Variants in HIPK4 observed in about 807,000 individuals in gnomAD.
The protein encoded by HIPK4 is homeodomain-interacting protein kinase 4.
Under a neutral mutation model 44.8 loss-of-function variants are expected in HIPK4, and 26 were observed. The ratio of observed to expected loss-of-function variants is 0.58; its 90% confidence interval spans 0.43 to 0.80. HIPK4 has a LOEUF of 0.80. Among genes scored for constraint, HIPK4 ranks in the 30% least tolerant of loss-of-function variants. The pLI is 0.00. For missense variants in HIPK4, 729 were observed against 862.6 expected (o/e 0.85, Z 1.94); for synonymous variants, 340 against 355.5 (o/e 0.96, Z 0.49).
rs2079351452 is a variant in HIPK4, at chr19:40,384,079, T to G, written c.526A>C (p.Ile176Leu). 1 of 1,611,136 alleles carries G rather than the reference T, an allele frequency of 6.2e-7. No homozygotes were observed. The highest frequency in any genetic ancestry group is 1.3e-5 in the African/African-American group (1 of 74,836). ...SEVRYVKEPY[I>L]QSRFYRAPEI... ...GGGGCCCGGTAGAAGCGCGACTGGATGTATGGCTCCTTCACGTAGCGCACC... is the reference window on the plus strand; with the variant it reads ...GGGGCCCGGTAGAAGCGCGACTGGAGGTATGGCTCCTTCACGTAGCGCACC... Residue 176 changes from isoleucine (I) to leucine (L), a missense_variant, in exon 2 of 4, where the codon ATC (isoleucine) becomes CTC (leucine). Coordinates refer to ENST00000291823, the MANE Select transcript of HIPK4 (RefSeq NM_144685.5).
chr19:40,381,038 T>C lies in HIPK4; in HGVS notation c.953A>G (p.Lys318Arg). Reference protein sequence around the residue: ...REALAEHADLKSMVELIKRML... With the variant: ...REALAEHADLRSMVELIKRML... The stretch of plus-strand genomic sequence containing the variant: ...GCGCTTGATCAGCTCCACCATGCTC[T>C]TGAGGTCGGCGTGCTCCGCCAGCGC... Residue 318 changes from lysine (K) to arginine (R), a missense_variant, in exon 3 of 4, where the codon AAG becomes AGG. Physicochemically the swap from Lys to Arg is conservative, Grantham distance 26. Around this residue, in one of 2 missense-constraint regions of HIPK4, gnomAD observed 533 missense variants for 567.5 expected, o/e 0.94. Transcript: ENST00000291823. 1.9e-6 allele frequency: 3 copies of C among 1,613,496 alleles called. No homozygotes were observed. The highest frequency in any genetic ancestry group is 2.5e-6 in the Non-Finnish European group (3 of 1,180,008).
rs777921576 is a variant in HIPK4, at chr19:40,389,576, G to A, written c.327C>T (p.Pro109=). 62 of 1,613,748 alleles carry A rather than the reference G, an allele frequency of 3.8e-5. No individual in the cohort carries two copies. Among genetic ancestry groups the A allele is most frequent in the Non-Finnish European group, 4.8e-5 (57 of 1,179,928 alleles). The change falls in exon 1 of 4, where the codon CCC becomes CCT. Residue 109 remains proline (P), a synonymous_variant. Transcript: ENST00000291823. The surrounding 1 kb of genome is among the most constrained non-coding windows in gnomAD (Gnocchi z 4.6). ...FQKENNFAPL[P]ARHIRTVTLQ... ...GGGTGACTGTACGGATGTGGCGGGC[G>A]GGGAGGGGCGCGAAGTTGTTCTCCT... is the stretch of plus-strand genomic sequence containing the variant.
rs543998071 is a variant in HIPK4 at position 40,380,187 on chromosome 19, C to T, written c.1668+136G>A. 7 of 1,196,132 alleles carry T rather than the reference C, an allele frequency of 5.9e-6. No individual in the cohort carries two copies. The East Asian group carries it at 1.8e-4, about 30-fold the overall frequency. The allele number at this position is 1,196,132 out of a possible 1,614,324, so 74.1% of individuals were successfully genotyped here. On this transcript the variant is annotated intron_variant, in intron 3 of 3. Transcript: ENST00000291823. This position sits in a 1 kb window ranked among gnomAD's most constrained non-coding sequence, Gnocchi z 4.2. ...CGGTATTAGGTGTGTGCTGAGCCTCCTAAGTCCCTAATTGTATCCTGAACA... is the reference window on the plus strand; with the variant it reads ...CGGTATTAGGTGTGTGCTGAGCCTCTTAAGTCCCTAATTGTATCCTGAACA...
rs144382583 is a variant in HIPK4 at position 40,380,679 on chromosome 19, C to T, written c.1312G>A (p.Gly438Arg). ...CAGGTCTCACCCCACAGCCCATGCC[C>T]AGCCTCCTGCAGACTCAGGTCATCC... is the stretch of plus-strand genomic sequence containing the variant. ...QLDDLSLQEA[G>R]HGLWGETCTN... The change falls in exon 3 of 4, where the codon GGG (glycine) becomes AGG (arginine). Residue 438 changes from glycine (G) to arginine (R), a missense_variant. This residue lies in a region of HIPK4 where 533 missense variants were observed against 567.5 expected (regional missense o/e 0.94). Coordinates refer to ENST00000291823, the MANE Select transcript of HIPK4 (RefSeq NM_144685.5). The surrounding 1 kb of genome is among the most constrained non-coding windows in gnomAD (Gnocchi z 4.2). 214 of 1,614,102 alleles carry T rather than the reference C, an allele frequency of 1.3e-4. No homozygotes were observed. The East Asian group carries it at 4.7e-3, about 35-fold the overall frequency.
Position 40,380,722 on chromosome 19 carries a change from T to C in HIPK4, c.1269A>G (p.Gln423=). ...GGTCATCCAGCTGGTCGATGGCTCT[T>C]TGCATACCTGGTGCCTTCTCCTCTC... The part of the protein sequence containing the change: ...FFREEKAPGM[Q]RAIDQLDDLS... The change falls in exon 3 of 4, where the codon CAA becomes CAG. Residue 423 remains glutamine (Q), a synonymous_variant. Transcript: ENST00000291823. The surrounding 1 kb of genome is among the most constrained non-coding windows in gnomAD (Gnocchi z 4.2). The C allele has an allele frequency of 6.2e-7, 1 of 1,614,138 alleles. No individual in the cohort carries two copies. Among genetic ancestry groups the C allele is most frequent in the Non-Finnish European group, 8.5e-7 (1 of 1,179,964 alleles).
rs1037193730 is a variant in HIPK4, at chr19:40,384,166, T to C, written c.466-27A>G. Reference sequence around the variant, plus strand: ...TGTCGGGGGTGGGGAAGAGGGCGAGTGGGCAGGTCAAGCAGCAGGGACAGC... The same window carrying C: ...TGTCGGGGGTGGGGAAGAGGGCGAGCGGGCAGGTCAAGCAGCAGGGACAGC... On this transcript the variant is annotated intron_variant, in intron 1 of 3. Coordinates refer to ENST00000291823, the MANE Select transcript of HIPK4 (RefSeq NM_144685.5). The C allele has an allele frequency of 2.6e-6, 4 of 1,539,356 alleles. No homozygotes were observed. The African/African-American group carries it at 4.1e-5, about 16-fold the overall frequency.
At chr19:40,381,225 G>A in intron 2 of HIPK4, 57 bp from the exon 3 acceptor site, 2 of 1,402,536 alleles carry the variant, frequency 1.4e-6, no homozygotes, top group South Asian at 2.6e-5. Context: ...TAGGGCCCTG[G>A]GCACTCCTGC....
chr19:40,389,256 C>T lies in HIPK4; in HGVS notation c.465+182G>A, dbSNP rs567748131. 1.8e-4 allele frequency among the ~76,000 whole-genome samples: 28 copies of T among 151,990 alleles called. No individual in the cohort carries two copies. The highest frequency in any genetic ancestry group is 3.5e-4 in the Non-Finnish European group (24 of 67,990). ...AGGATAATCACTTGAACCCAGGAGG[C>T]GGAGTTGCAGTGAGCTGAGATTGTG... On this transcript the variant is annotated intron_variant, in intron 1 of 3. Transcript: ENST00000291823. This position sits in a 1 kb window ranked among gnomAD's most constrained non-coding sequence, Gnocchi z 4.6.
At position 40,379,663 on chromosome 19, in the gene HIPK4, G is replaced by A; in HGVS notation, c.1775C>T (p.Pro592Leu). The change falls in exon 4 of 4, where the codon CCA (proline) becomes CTA (leucine). Residue 592 changes from proline (P) to leucine (L), a missense_variant. This residue lies in a region of HIPK4 where 533 missense variants were observed against 567.5 expected (regional missense o/e 0.94). Coordinates refer to ENST00000291823, the MANE Select transcript of HIPK4 (RefSeq NM_144685.5). ...ACCATGCTGGTGGGAGCGGCGGGGT[G>A]GGAGCCCCTGAGCCCGTGGGCCCCT... ...SVRGPRAQGL[P>L]PRRSHQHGPP... 1 of 1,550,472 alleles carries A rather than the reference G, an allele frequency of 6.4e-7. No individual in the cohort carries two copies. The highest frequency in any genetic ancestry group is 8.7e-7 in the Non-Finnish European group (1 of 1,150,558).
chr19:40,380,778 C>G lies in HIPK4; in HGVS notation c.1213G>C (p.Gly405Arg), dbSNP rs2079330795. ...LAEEKEAAGM[G>R]SVAGSSPFFR... ...AAGGGGCTGCTGCCGGCCACACTGC[C>G]CATACCCGCAGCCTCCTTCTCCTCA... The change falls in exon 3 of 4, where the codon GGC becomes CGC. Residue 405 changes from glycine to arginine, a missense_variant. Around this residue, in one of 2 missense-constraint regions of HIPK4, gnomAD observed 533 missense variants for 567.5 expected, o/e 0.94. Transcript: ENST00000291823. This position sits in a 1 kb window ranked among gnomAD's most constrained non-coding sequence, Gnocchi z 4.2. The G allele has an allele frequency of 6.2e-7, 1 of 1,614,192 alleles. No homozygotes were observed. The highest frequency in any genetic ancestry group is 8.5e-7 in the Non-Finnish European group (1 of 1,180,014).
intron 3 of HIPK4, 100 bp from the exon 4 acceptor site, chr19:40,379,869 G>T (rs2079322161): frequency 1.6e-6 from 2 of 1,272,362 alleles, no homozygotes; most frequent in African/African-American, 1.5e-5. Context: ...GCATGTGCTA[G>T]GGTCTTACCA....
chr19:40,383,029 A>G (rs1042625977), intron 2 of HIPK4, among the ~76,000 whole-genome samples: 3 of 149,432 alleles, frequency 2.0e-5, no homozygotes, highest in Non-Finnish European at 4.4e-5. Context: ...CCTGAGCAAC[A>G]GATCAAGACT....
Position 40,384,098 on chromosome 19 carries a change from G to A in HIPK4, c.507C>T (p.Arg169=), listed in dbSNP as rs1365508357. 6.3e-7 allele frequency: 1 copy of A among 1,598,896 alleles called. No individual in the cohort carries two copies. The highest frequency in any genetic ancestry group is 1.1e-5 in the South Asian group (1 of 89,952). Residue 169 remains arginine, a synonymous_variant, in exon 2 of 4, where the codon CGC becomes CGT. Transcript: ENST00000291823. ...FGSASIFSEV[R]YVKEPYIQSR... ...ACTGGATGTATGGCTCCTTCACGTA[G>A]CGCACCTCGCTGAAAATGCTGGCGG...
intron 2 of HIPK4, among the ~76,000 whole-genome samples, chr19:40,381,967 A>G (rs1462062829): frequency 2.0e-5 from 3 of 151,398 alleles, no homozygotes; most frequent in Non-Finnish European, 2.9e-5. Context: ...CACCATGCCC[A>G]GCTAATTTTT....
intron 1 of HIPK4, among the ~76,000 whole-genome samples, chr19:40,385,068 A>G (rs1050510479): frequency 2.6e-5 from 4 of 152,072 alleles, no homozygotes; most frequent in African/African-American, 9.7e-5. Flanking sequence ...CCATCAGCCA[A>G]CAGATCTAGA....
chr19:40,380,076 G>A lies in HIPK4; in HGVS notation c.1668+247C>T, dbSNP rs1280110126. On this transcript the variant is annotated intron_variant, in intron 3 of 3. Coordinates refer to ENST00000291823, the MANE Select transcript of HIPK4 (RefSeq NM_144685.5). The surrounding 1 kb of genome is among the most constrained non-coding windows in gnomAD (Gnocchi z 4.2). ...CTATGTTGCCCAGGCTCTTTATCAA[G>A]CTTCTTATAAGTAGATTACTGTGCC... 3.3e-5 allele frequency among the ~76,000 whole-genome samples: 5 copies of A among 152,106 alleles called. No homozygotes were observed. The highest frequency in any genetic ancestry group is 5.9e-5 in the Non-Finnish European group (4 of 68,010).
In HIPK4 at chr19:40,380,551, G is replaced by T. The variant is rs2079328976; in HGVS notation, c.1440C>A (p.Ser480Arg). 6.2e-7 allele frequency: 1 copy of T among 1,611,866 alleles called. No individual in the cohort carries two copies. ...GPEPILAFYS[S>R]RLAGRHKARK... ...GGGCCTTGTGGCGGCCTGCCAGGCG[G>T]CTGCTGTAGAAGGCCAGGATGGGCT... The change falls in exon 3 of 4, where the codon AGC becomes AGA. Residue 480 changes from serine to arginine, a missense_variant. By Grantham distance (110) the Ser-to-Arg change is moderately radical (BLOSUM62 -1). Coordinates refer to ENST00000291823, the MANE Select transcript of HIPK4 (RefSeq NM_144685.5). The surrounding 1 kb of genome is among the most constrained non-coding windows in gnomAD (Gnocchi z 4.2).
Position 40,379,636 on chromosome 19 carries a change from G to A in HIPK4, c.1802C>T (p.Pro601Leu). The change falls in exon 4 of 4, where the codon CCA (proline) becomes CTA (leucine). Residue 601 changes from proline to leucine, a missense_variant. This residue lies in a region of HIPK4 where 533 missense variants were observed against 567.5 expected (regional missense o/e 0.94). Coordinates refer to ENST00000291823, the MANE Select transcript of HIPK4 (RefSeq NM_144685.5). ...LPPRRSHQHG[P>L]PRGATSFLQH... ...GAGGAAGCTGGTGGCCCCCCGGGGT[G>A]GACCATGCTGGTGGGAGCGGCGGGG... 1 of 1,558,044 alleles carries A rather than the reference G, an allele frequency of 6.4e-7. No homozygotes were observed. The highest frequency in any genetic ancestry group is 8.7e-7 in the Non-Finnish European group (1 of 1,153,676).
intron 1 of HIPK4, among the ~76,000 whole-genome samples, chr19:40,386,935 A>C (rs899147123): frequency 2.7e-5 from 4 of 149,708 alleles, no homozygotes; most frequent in African/African-American, 9.9e-5. Context: ...GCTCAAGGCA[A>C]CCTCCACCTT....
Sources: allele counts gnomAD v4.1 joint callset (sites outside exome capture counted in the v4.1 genomes callset), GRCh38; gene constraint gnomAD v4.1.1; regional missense constraint gnomAD v4.1.1; non-coding constraint Gnocchi (gnomAD v3.1); transcripts MANE v1.5; gene names NCBI Gene and HGNC (gene_info 2026-07-23, HGNC 2026-07-21).